The following PPFIBP2 variants were observed in gnomAD, a reference collection of about 807,000 sequenced individuals.
PPFIBP2 encodes the protein liprin-beta-2.
PPFIBP2 carries 118 observed loss-of-function variants against 118.3 expected under a neutral mutation model. That is an observed-to-expected ratio of 1.00 (90% CI 0.86 to 1.16). PPFIBP2 has a LOEUF of 1.16. PPFIBP2 is among the 50% of genes most tolerant of loss of function. The pLI is 0.00. For missense variants in PPFIBP2, 1,195 were observed against 1,073.1 expected, an observed-to-expected ratio of 1.11 and a Z score of -1.59; for synonymous variants, 414 against 397.4, an observed-to-expected ratio of 1.04 and a Z score of -0.50.
intron 1 of PPFIBP2, among the ~76,000 whole-genome samples, chr11:7,526,757 C>T (rs1483727062): frequency 6.6e-6 from 1 of 152,036 alleles, no homozygotes; most frequent in Non-Finnish European, 1.5e-5. Context: ...CTTCTCTATC[C>T]CAAGTCGCAG....
At chr11:7,595,687 G>A (rs1271124485) in intron 4 of PPFIBP2, among the ~76,000 whole-genome samples, 1 of 152,134 alleles carries the variant, frequency 6.6e-6, no homozygotes. Context: ...CAGCAGGGTA[G>A]AGCCTCTTGC....
intron 3 of PPFIBP2, among the ~76,000 whole-genome samples, chr11:7,591,157 T>C (rs1859212785): frequency 6.6e-6 from 1 of 152,194 alleles, no homozygotes; most frequent in East Asian, 1.9e-4. Flanking sequence ...GGTGATTGTA[T>C]GGGTAGACCT....
intron 2 of PPFIBP2, among the ~76,000 whole-genome samples, chr11:7,563,285 T>G (rs550469435): frequency 3.6e-4 from 55 of 152,278 alleles, no homozygotes; most frequent in Middle Eastern, 3.4e-3. Context: ...GTTTGGAGAT[T>G]GGAGGTCTTG....
Position 7,642,301 on chromosome 11 carries a change from C to G in PPFIBP2, c.1521C>G (p.Ile507Met). The G allele has an allele frequency of 6.2e-7, 1 of 1,613,960 alleles. No homozygotes were observed. The highest frequency in any genetic ancestry group is 8.5e-7 in the Non-Finnish European group (1 of 1,179,948). Reference protein sequence around the residue: ...PKGIKKFWGKIRRTQSGNFYT... With the variant: ...PKGIKKFWGKMRRTQSGNFYT... ...CCATGGATTCTTCTCCATGCAGAAT[C>G]CGAAGAACTCAGTCAGGAAATTTCT... Residue 507 changes from isoleucine (I) to methionine (M), a missense_variant, in exon 17 of 24, where the codon ATC becomes ATG. By Grantham distance (10) the Ile-to-Met change is conservative. Coordinates refer to ENST00000299492, the MANE Select transcript of PPFIBP2 (RefSeq NM_003621.5).
intron 2 of PPFIBP2, among the ~76,000 whole-genome samples, chr11:7,554,596 C>T (rs1283481825): frequency 1.3e-5 from 2 of 152,020 alleles, no homozygotes; most frequent in Admixed American, 6.6e-5. Flanking sequence ...CATCCTAATG[C>T]GCAAGTGGTA....
At chr11:7,666,177 C>T in the PPFIBP2 span, 49 of 598,006 alleles carry the variant, frequency 8.2e-5, no homozygotes, top group Non-Finnish European at 1.4e-4. Flanking sequence ...TGGGTGTTCA[C>T]AGTGGACAGG....
intron 11 of PPFIBP2, 152 bp from the exon 12 acceptor site, chr11:7,632,715 A>C (rs1193658627): frequency 1.6e-6 from 1 of 607,636 alleles, no homozygotes; most frequent in Non-Finnish European, 3.0e-6. Flanking sequence ...TTGCATCTTG[A>C]AAGAGCAAGG....
At chr11:7,592,132 C>G (rs1382490480) in intron 3 of PPFIBP2, among the ~76,000 whole-genome samples, 1 of 152,180 alleles carries the variant, frequency 6.6e-6, no homozygotes, top group Non-Finnish European at 1.5e-5. Flanking sequence ...CTCAGTTCCA[C>G]ATTTAGCAAT....
At chr11:7,547,870 G>C (rs906119548) in intron 1 of PPFIBP2, among the ~76,000 whole-genome samples, 28 of 152,194 alleles carry the variant, frequency 1.8e-4, no homozygotes, top group Middle Eastern at 6.8e-3. Flanking sequence ...CCACAAGCAT[G>C]GTTGCTTATC....
At chr11:7,626,401 T>C (rs1165444435) in intron 8 of PPFIBP2, among the ~76,000 whole-genome samples, 1 of 152,202 alleles carries the variant, frequency 6.6e-6, no homozygotes, top group Non-Finnish European at 1.5e-5. Flanking sequence ...TTGGCCACCC[T>C]AACTCAAATA....
In PPFIBP2 at chr11:7,651,730, G is replaced by A; in HGVS notation, c.2322G>A (p.Arg774=). 1 of 1,614,062 alleles carries A rather than the reference G, an allele frequency of 6.2e-7. No homozygotes were observed. The highest frequency in any genetic ancestry group is 8.5e-7 in the Non-Finnish European group (1 of 1,179,916). The part of the protein sequence containing the change: ...LNIPPQKTLL[R]RHLTTKFNAL... ...TCCCCCCACAAAAGACGCTCCTCAG[G>A]CGCCACCTGACCACCAAGTTCAATG... The change falls in exon 23 of 24, where the codon AGG becomes AGA. Residue 774 remains arginine, a synonymous_variant. Transcript: ENST00000299492.
intron 5 of PPFIBP2, chr11:7,605,612 C>G (rs896685967): frequency 6.1e-6 from 5 of 821,274 alleles, no homozygotes; most frequent in Non-Finnish European, 7.6e-6. Flanking sequence ...TGAGGATTTT[C>G]TGCTGTGGTA....
chr11:7,665,500 C>T, the PPFIBP2 span: 4 of 1,613,764 alleles, frequency 2.5e-6, no homozygotes, highest in South Asian at 4.4e-5. Context: ...GAGGAAGGTG[C>T]TCCTTGATCA....
At chr11:7,629,354 T>C in intron 9 of PPFIBP2, 105 bp from the exon 10 acceptor site, 3 of 1,101,536 alleles carry the variant, frequency 2.7e-6, no homozygotes, top group Non-Finnish European at 4.2e-6. Flanking sequence ...TGGTTCCACG[T>C]GGGATTTCTT....
downstream of PPFIBP2, among the ~76,000 whole-genome samples, chr11:7,658,914 T>C (rs1854827853): frequency 9.2e-6 from 1 of 108,110 alleles, no homozygotes; most frequent in Admixed American, 9.1e-5. Context: ...TGAGCATTTT[T>C]TCATGTGTTT....
chr11:7,664,746 A>T, the PPFIBP2 span, among the ~76,000 whole-genome samples: 1 of 152,000 alleles, frequency 6.6e-6, no homozygotes, highest in African/African-American at 2.4e-5. Flanking sequence ...TCTCCCTTGA[A>T]AGCAGTGAAG....
At chr11:7,649,901 G>A (rs1389510207) in intron 21 of PPFIBP2, among the ~76,000 whole-genome samples, 1 of 152,166 alleles carries the variant, frequency 6.6e-6, no homozygotes, top group African/African-American at 2.4e-5. Flanking sequence ...AGTCATCATA[G>A]TGATTAAAGG....
chr11:7,639,914 T>C (rs1276197748), intron 15 of PPFIBP2, 44 bp downstream of exon 15: 1 of 1,581,450 alleles, frequency 6.3e-7, no homozygotes, highest in Admixed American at 1.9e-5. Context: ...AGCAGTGTCC[T>C]TGGCACTTTC....
At chr11:7,647,552 G>T (rs1853287107) in intron 17 of PPFIBP2, among the ~76,000 whole-genome samples, 1 of 152,190 alleles carries the variant, frequency 6.6e-6, no homozygotes, top group African/African-American at 2.4e-5. Flanking sequence ...GTTTTATAAT[G>T]TTGGTTGCTA....
Sources: gnomAD v4.1 joint callset for allele counts (sites outside exome capture counted in the v4.1 genomes callset) on GRCh38, gnomAD v4.1.1 for gene constraint, MANE v1.5 for transcripts, NCBI Gene and HGNC (gene_info 2026-07-23, HGNC 2026-07-21) for gene names.